The following IBTK variants were observed in gnomAD, a reference collection of about 807,000 sequenced individuals.
IBTK encodes the protein inhibitor of Bruton tyrosine kinase.
A neutral mutation model predicts 154.9 loss-of-function variants in IBTK; 83 were observed. The observed-to-expected ratio is 0.54, with a 90% CI of 0.45 to 0.64. IBTK has a LOEUF of 0.64. Among genes scored for constraint, IBTK ranks in the 30% least tolerant of loss-of-function variants. The pLI is 0.00. For synonymous variants in IBTK, 515 were observed against 536.1 expected (o/e 0.96, Z 0.54); for missense variants, 1,332 against 1,584.6 (o/e 0.84, Z 2.71).
intron 21 of IBTK, among the ~76,000 whole-genome samples, chr6:82,198,430 C>A (rs1278413648): frequency 6.6e-6 from 1 of 152,054 alleles, no homozygotes; most frequent in Non-Finnish European, 1.5e-5. Flanking sequence ...TTCATTGCTT[C>A]ATAAATAAAT....
Position 82,225,610 on chromosome 6 carries a change from CAATT to C in IBTK, c.688_691del (p.Asn230ValfsTer14), listed in dbSNP as rs1398119394. Reference sequence around the variant, plus strand: ...ATCCTTAGCAGCTGCCACTTGGGAACAATTATGACCATTCAGTCCTTCCACAAGC... The same window carrying C: ...ATCCTTAGCAGCTGCCACTTGGGAACATGACCATTCAGTCCTTCCACAAGC... On this transcript the variant is annotated frameshift_variant, in exon 6 of 29. Transcript: ENST00000306270. LOFTEE classifies it high-confidence loss of function. 1 of 1,612,826 alleles carries C rather than the reference CAATT, an allele frequency of 6.2e-7. No individual in the cohort carries two copies. Among genetic ancestry groups the C allele is most frequent in the Non-Finnish European group, 8.5e-7 (1 of 1,179,592 alleles).
Position 82,191,167 on chromosome 6 carries a change from T to G in IBTK, c.3481A>C (p.Ile1161Leu), listed in dbSNP as rs1373650920. 4 of 1,609,942 alleles carry G rather than the reference T, an allele frequency of 2.5e-6. No homozygotes were observed. The highest frequency in any genetic ancestry group is 3.4e-6 in the Non-Finnish European group (4 of 1,178,238). ...TTGTTTTCCTTGGTAGTCAATGCAA[T>G]CATTTTTCGTTGCTTCTGAGAAAGT... The part of the protein sequence containing the change: ...VKLSQKQRKM[I>L]ALTTKENNSG... Residue 1161 changes from isoleucine to leucine, a missense_variant, in exon 25 of 29, where the codon ATT (isoleucine) becomes CTT (leucine). Ile to Leu is a conservative substitution (Grantham distance 5). Coordinates refer to ENST00000306270, the MANE Select transcript of IBTK (RefSeq NM_015525.4).
At chr6:82,200,025 C>T in intron 21 of IBTK, 116 bp downstream of exon 21, 1 of 676,100 alleles carries the variant, frequency 1.5e-6, no homozygotes, top group Non-Finnish European at 2.5e-6. Flanking sequence ...TTACAATAAA[C>T]TATCACTTTT....
intron 23 of IBTK, among the ~76,000 whole-genome samples, chr6:82,193,129 T>A (rs1167311171): frequency 6.6e-6 from 1 of 152,028 alleles, no homozygotes; most frequent in Non-Finnish European, 1.5e-5. Flanking sequence ...TACTTCATAT[T>A]AAAGGGAACC....
At position 82,224,414 on chromosome 6, in the gene IBTK, T is replaced by G. The variant is rs1039891898; in HGVS notation, c.826-229A>C. 2.0e-5 allele frequency among the ~76,000 whole-genome samples: 3 copies of G among 152,230 alleles called. No individual in the cohort carries two copies. In the South Asian group the frequency reaches 6.2e-4, roughly 31 times the overall value. ...ACTTTCAGTCAGCAGTTTTAACATATAGAAAATTGACATGGTGTAAGAATC... is the reference window on the plus strand; with the variant it reads ...ACTTTCAGTCAGCAGTTTTAACATAGAGAAAATTGACATGGTGTAAGAATC... On this transcript the variant is annotated intron_variant, in intron 6 of 28. Coordinates refer to ENST00000306270, the MANE Select transcript of IBTK (RefSeq NM_015525.4).
rs768175951 is a variant in IBTK, at chr6:82,172,488, A to G, written c.3822T>C (p.Thr1274=). ...TGACTGGGGCTACCATGGATGGAGC[A>G]GTCACTGAAGAAGATAGCCAGGGAC... ...SPNPWLSSSV[T]APSMVAPVTF... The change falls in exon 28 of 29, where the codon ACT becomes ACC. Residue 1274 remains threonine (T), a synonymous_variant. Coordinates refer to ENST00000306270, the MANE Select transcript of IBTK (RefSeq NM_015525.4). 10 of 1,613,246 alleles carry G rather than the reference A, an allele frequency of 6.2e-6. No individual in the cohort carries two copies. Among genetic ancestry groups the G allele is most frequent in the Non-Finnish European group, 3.4e-6 (4 of 1,179,722 alleles).
At position 82,218,090 on chromosome 6, in the gene IBTK, C is replaced by A; in HGVS notation, c.1296G>T (p.Trp432Cys). ...AAATGAAGACCTGACGTGGATAGGC[C>A]CATCGACACTGCTTCAGAGAACTGT... ...SVNSSLKQCR[W>C]AYPRQVFISD... Residue 432 changes from tryptophan to cysteine, a missense_variant, in exon 10 of 29, where the codon TGG becomes TGT. Trp to Cys is a radical substitution (Grantham distance 215). Transcript: ENST00000306270. 6.2e-7 allele frequency: 1 copy of A among 1,600,686 alleles called. No homozygotes were observed. Among genetic ancestry groups the A allele is most frequent in the East Asian group, 2.3e-5 (1 of 44,344 alleles).
chr6:82,171,338 A>G lies in IBTK; in HGVS notation c.*87T>C, dbSNP rs1767922199. The G allele has an allele frequency of 1.8e-6, 2 of 1,094,022 alleles. No individual in the cohort carries two copies. The highest frequency in any genetic ancestry group is 2.6e-6 in the Non-Finnish European group (2 of 757,278). The allele number at this position is 1,094,022 out of a possible 1,614,324, so 67.8% of individuals were successfully genotyped here. ...TTCTTAATCTATTTAGAATGATATT[A>G]CAAAATCTCTAAGACTCTTTTCCAC... On this transcript the variant is annotated 3_prime_UTR_variant, in exon 29 of 29. Transcript: ENST00000306270.
At chr6:82,184,165 AC>A (rs1443619693) in intron 25 of IBTK, among the ~76,000 whole-genome samples, 1 of 152,222 alleles carries the variant, frequency 6.6e-6, no homozygotes, top group African/African-American at 2.4e-5. Flanking sequence ...TGGAAACAGT[AC>A]CTGATTTCCC....
At chr6:82,202,706 AATAC>A in intron 17 of IBTK, 61 bp from the exon 18 acceptor site, 1 of 858,364 alleles carries the variant, frequency 1.2e-6, no homozygotes, top group Admixed American at 2.5e-5. Context: ...AGCAAAATAA[AATAC>A]ATTTATGTCT....
intron 18 of IBTK, among the ~76,000 whole-genome samples, chr6:82,202,208 G>C (rs946969958): frequency 4.6e-5 from 7 of 152,074 alleles, no homozygotes; most frequent in African/African-American, 1.7e-4. Context: ...AATAAAAACT[G>C]ACACCAGGAA....
chr6:82,246,497 T>C (rs1430189270), intron 1 of IBTK, among the ~76,000 whole-genome samples: 1 of 132,110 alleles, frequency 7.6e-6, no homozygotes, highest in East Asian at 2.3e-4. Context: ...CAGGATGGAG[T>C]GCAGCGGCGC....
rs569255947 is a variant in IBTK at position 82,201,371 on chromosome 6, G to A, written c.2790+51C>T. 74 of 1,305,244 alleles carry A rather than the reference G, an allele frequency of 5.7e-5. 1 individual carries two copies. In the South Asian group the frequency reaches 9.1e-4, roughly 16 times the overall value. 80.9% of individuals were successfully genotyped at this position (1,305,244 alleles called of 1,614,324 possible). On this transcript the variant is annotated intron_variant, in intron 19 of 28. Coordinates refer to ENST00000306270, the MANE Select transcript of IBTK (RefSeq NM_015525.4). Reference sequence around the variant, plus strand: ...ATTAATAAGTCTGATCTAATATACTGCTTAAGCTGGTAATATTATAGCCGC... The same window carrying A: ...ATTAATAAGTCTGATCTAATATACTACTTAAGCTGGTAATATTATAGCCGC...
At chr6:82,191,568 T>A (rs1768770638) in intron 24 of IBTK, 1 of 620,152 alleles carries the variant, frequency 1.6e-6, no homozygotes, top group Admixed American at 2.5e-5. Context: ...GTTTCTGGGA[T>A]GTAATACTGT....
chr6:82,199,348 GA>G (rs1161706422), intron 21 of IBTK, among the ~76,000 whole-genome samples: 1 of 151,994 alleles, frequency 6.6e-6, no homozygotes, highest in Non-Finnish European at 1.5e-5. Context: ...CAATAAATCT[GA>G]ATAAAATGTA....
At chr6:82,205,813 T>A (rs1293441495) in intron 16 of IBTK, 3 of 151,986 alleles carry the variant, frequency 2.0e-5, no homozygotes, top group South Asian at 4.2e-4. Flanking sequence ...GTACTACTAA[T>A]GGCTTTTTGC....
At chr6:82,231,609 T>C (rs1770504678) in intron 4 of IBTK, 109 bp downstream of exon 4, 1 of 712,064 alleles carries the variant, frequency 1.4e-6, no homozygotes, top group Admixed American at 2.9e-5. Flanking sequence ...CTCATTAAAA[T>C]GTTACTGTAC....
At chr6:82,175,354 A>G (rs1193445523) in intron 26 of IBTK, among the ~76,000 whole-genome samples, 6 of 152,296 alleles carry the variant, frequency 3.9e-5, no homozygotes, top group East Asian at 3.9e-4. Flanking sequence ...TCTCATTTCC[A>G]TATTATGAAA....
chr6:82,189,082 T>G (rs752635885), intron 25 of IBTK: 32 of 424,930 alleles, frequency 7.5e-5, no homozygotes, highest in Non-Finnish European at 1.3e-4. Context: ...GGGACCAATA[T>G]CTGACTAATG....
Sources: allele counts gnomAD v4.1 joint callset (sites outside exome capture counted in the v4.1 genomes callset), GRCh38; gene constraint gnomAD v4.1.1; transcripts MANE v1.5; gene names NCBI Gene and HGNC (gene_info 2026-07-23, HGNC 2026-07-21).